The following ABCB5 variants were observed in gnomAD, a reference collection of about 807,000 sequenced individuals.
ABCB5 encodes the protein ATP binding cassette subfamily B member 5.
Under a neutral mutation model 144.2 loss-of-function variants are expected in ABCB5, and 155 were observed. The ratio of observed to expected loss-of-function variants is 1.08; its 90% CI spans 0.94 to 1.23. ABCB5 has a LOEUF of 1.23. Ranked by LOEUF, ABCB5 falls within the 50% of genes most tolerant of loss-of-function variation. The pLI, the probability that ABCB5 is intolerant of heterozygous loss-of-function variation, is 0.00. For missense variants in ABCB5, 1,830 were observed against 1,520.8 expected (o/e 1.20, Z -3.38); for synonymous variants, 610 against 528.6 (o/e 1.15, Z -2.11).
chr7:20,627,217 T>A (rs919923457), intron 3 of ABCB5, among the ~76,000 whole-genome samples: 4 of 152,068 alleles, frequency 2.6e-5, no homozygotes, highest in Admixed American at 1.3e-4. Flanking sequence ...CAAATATACA[T>A]GAAACAGCCT....
At chr7:20,736,863 C>G (rs530584024) in intron 23 of ABCB5, among the ~76,000 whole-genome samples, 1 of 152,140 alleles carries the variant, frequency 6.6e-6, no homozygotes, top group African/African-American at 2.4e-5. Context: ...TACCTTTATA[C>G]AGAATCCACC....
At chr7:20,694,396 A>T (rs1786337138) in intron 16 of ABCB5, among the ~76,000 whole-genome samples, 1 of 152,072 alleles carries the variant, frequency 6.6e-6, no homozygotes, top group Non-Finnish European at 1.5e-5. Flanking sequence ...AATGCAGAAA[A>T]CCCATTTGAT....
In ABCB5 at chr7:20,727,779, T is replaced by G. The variant is rs1181793874; in HGVS notation, c.2727-536T>G. Among the ~76,000 whole-genome samples the G allele has an allele frequency of 3.1e-4, 47 of 152,232 alleles. 1 individual carries two copies. The highest frequency in any genetic ancestry group is 3.1e-3 in the Admixed American group (47 of 15,270). On this transcript the variant is annotated intron_variant, in intron 22 of 27. Transcript: ENST00000404938. ...TAAATCCCTAAAATAGTTTACATTT[T>G]AAATACGAATATATACATAATAAAT...
chr7:20,691,477 G>C (rs552928226), intron 16 of ABCB5, among the ~76,000 whole-genome samples: 1 of 151,926 alleles, frequency 6.6e-6, no homozygotes, highest in African/African-American at 2.4e-5. Flanking sequence ...CAGAGGCAGG[G>C]TATATATCTA....
intron 14 of ABCB5, among the ~76,000 whole-genome samples, chr7:20,677,730 ATAATTAAT>A (rs1785662257): frequency 6.6e-6 from 1 of 152,168 alleles, no homozygotes; most frequent in Non-Finnish European, 1.5e-5. Flanking sequence ...CTCTGTCTCA[ATAATTAAT>A]TAATTAATTT....
chr7:20,664,065 A>G (rs1421605284), intron 14 of ABCB5, among the ~76,000 whole-genome samples: 1 of 151,824 alleles, frequency 6.6e-6, no homozygotes, highest in East Asian at 1.9e-4. Context: ...AGAGATTAGT[A>G]ATCTAAGCCT....
intron 20 of ABCB5, among the ~76,000 whole-genome samples, chr7:20,713,551 A>T (rs73684819): frequency 0.031 from 4,714 of 149,724 alleles, 515 homozygotes; most frequent in African/African-American, 0.11. Context: ...CCAATTTCTG[A>T]CTGGATGCTA....
intron 14 of ABCB5, among the ~76,000 whole-genome samples, chr7:20,668,554 G>T (rs1432777791): frequency 2.6e-5 from 4 of 151,542 alleles, no homozygotes; most frequent in Non-Finnish European, 5.9e-5. Context: ...AATGAGGAGC[G>T]TCTCCGCCCG....
At chr7:20,668,991 C>CT (rs1785349014) in intron 14 of ABCB5, among the ~76,000 whole-genome samples, 1 of 122,160 alleles carries the variant, frequency 8.2e-6, no homozygotes, top group African/African-American at 3.2e-5. Context: ...GTCAGCCCCC[C>CT]GCCCGGCCAG....
intron 20 of ABCB5, among the ~76,000 whole-genome samples, chr7:20,720,174 G>A (rs60806604): frequency 0.018 from 2,787 of 152,258 alleles, 81 homozygotes; most frequent in African/African-American, 0.064. Context: ...AAAACTGATA[G>A]GTATATGTCA....
chr7:20,718,450 T>C (rs1781759207), intron 20 of ABCB5, among the ~76,000 whole-genome samples: 1 of 152,200 alleles, frequency 6.6e-6, no homozygotes, highest in Admixed American at 6.5e-5. Flanking sequence ...CGATCTTAGT[T>C]TTCAGTATTT....
At chr7:20,658,366 C>T (rs1407093181) in intron 13 of ABCB5, 140 bp from the exon 14 acceptor site, 8 of 536,372 alleles carry the variant, frequency 1.5e-5, no homozygotes, top group Non-Finnish European at 1.7e-5. Context: ...TCACAAAGAA[C>T]AAATCAAAAG....
intron 14 of ABCB5, among the ~76,000 whole-genome samples, chr7:20,677,896 A>C (rs1446313644): frequency 6.6e-6 from 1 of 152,188 alleles, no homozygotes; most frequent in Non-Finnish European, 1.5e-5. Context: ...CCAGCTACAT[A>C]GTTTGTGGGG....
intron 14 of ABCB5, among the ~76,000 whole-genome samples, chr7:20,678,023 A>C (rs1785670891): frequency 6.6e-6 from 1 of 152,212 alleles, no homozygotes; most frequent in African/African-American, 2.4e-5. Flanking sequence ...CTTACTTTTA[A>C]ACCAAAGTGC....
chr7:20,644,140 C>T (rs1039007613), intron 7 of ABCB5, among the ~76,000 whole-genome samples: 9 of 151,364 alleles, frequency 5.9e-5, no homozygotes, highest in Admixed American at 1.3e-4. Flanking sequence ...GGCTGGAGTG[C>T]AGTGGTGCAA....
intron 16 of ABCB5, among the ~76,000 whole-genome samples, chr7:20,693,374 GA>G (rs558833707): frequency 6.9e-4 from 105 of 151,172 alleles, no homozygotes; most frequent in Non-Finnish European, 9.3e-4. Flanking sequence ...TCAAAAAAAA[GA>G]AAAAAAATCA....
intron 13 of ABCB5, among the ~76,000 whole-genome samples, chr7:20,653,496 T>C (rs1784670788): frequency 1.3e-5 from 2 of 152,238 alleles, no homozygotes; most frequent in Non-Finnish European, 2.9e-5. Flanking sequence ...TGGTTAGCCT[T>C]TCACTCATAA....
chr7:20,706,072 G>T (rs949839433), intron 20 of ABCB5, among the ~76,000 whole-genome samples: 1 of 152,072 alleles, frequency 6.6e-6, no homozygotes, highest in East Asian at 1.9e-4. Context: ...ATAGGGCTGA[G>T]GAGTTCAATT....
intron 5 of ABCB5, among the ~76,000 whole-genome samples, chr7:20,635,865 C>G (rs1392598276): frequency 6.6e-6 from 1 of 152,086 alleles, no homozygotes; most frequent in East Asian, 1.9e-4. Flanking sequence ...TTGACTTTCT[C>G]TTTTCCAATT....
Sources: gnomAD v4.1 joint callset for allele counts (sites outside exome capture counted in the v4.1 genomes callset) on GRCh38, gnomAD v4.1.1 for gene constraint, MANE v1.5 for transcripts, NCBI Gene and HGNC (gene_info 2026-07-23, HGNC 2026-07-21) for gene names.